The following MBNL2 variants were observed in gnomAD, a reference collection of about 807,000 sequenced individuals.
MBNL2 encodes the protein muscleblind like splicing regulator 2, also known as muscleblind-like protein 2.
A neutral mutation model predicts 41.9 loss-of-function variants in MBNL2; 17 were observed. The ratio of observed to expected loss-of-function variants is 0.41; its 90% CI spans 0.28 to 0.61. The LOEUF (loss-of-function observed/expected upper bound fraction) is 0.61, where lower values mean the gene tolerates loss of function less well. Ranked by LOEUF, MBNL2 falls within the 20% of genes least tolerant of loss-of-function variation. The probability of loss-of-function intolerance (pLI) is 0.35; values close to 1 mark genes in which losing one functional copy is unlikely to be tolerated. For missense variants in MBNL2, 336 were observed against 505.6 expected (o/e 0.66, Z 3.22); for synonymous variants, 195 against 182.9 (o/e 1.07, Z -0.53).
At chr13:97,229,956 C>T (rs1313456879) in intron 1 of MBNL2, among the ~76,000 whole-genome samples, 4 of 152,186 alleles carry the variant, frequency 2.6e-5, no homozygotes, top group African/African-American at 9.6e-5. Flanking sequence ...AGGGCAAATC[C>T]AAAAGGCATC....
intron 1 of MBNL2, among the ~76,000 whole-genome samples, chr13:97,249,328 T>A (rs2046085568): frequency 6.6e-6 from 1 of 152,236 alleles, no homozygotes; most frequent in East Asian, 1.9e-4. Flanking sequence ...GTTTTGAAGA[T>A]GGAAATGACA....
intron 1 of MBNL2, among the ~76,000 whole-genome samples, chr13:97,224,916 C>T (rs2041371999): frequency 6.6e-6 from 1 of 152,242 alleles, no homozygotes; most frequent in Non-Finnish European, 1.5e-5. Flanking sequence ...GCAAAGCACA[C>T]TATTCTGGCC....
chr13:97,224,855 G>A (rs1268512700), intron 1 of MBNL2, among the ~76,000 whole-genome samples: 2 of 152,064 alleles, frequency 1.3e-5, no homozygotes, highest in African/African-American at 2.4e-5. Flanking sequence ...AAATCAAAGC[G>A]TTGTTGTTTG....
intron 2 of MBNL2, among the ~76,000 whole-genome samples, chr13:97,297,751 C>A (rs2057209439): frequency 6.6e-6 from 1 of 152,186 alleles, no homozygotes. Flanking sequence ...GTCTGGATAT[C>A]CATTCTTTTT....
the MBNL2 span, among the ~76,000 whole-genome samples, chr13:97,192,574 G>A: frequency 3.3e-5 from 5 of 152,346 alleles, no homozygotes; most frequent in South Asian, 2.1e-4. Context: ...GAACAGCCTC[G>A]TGGGTGCCCA....
the MBNL2 span, among the ~76,000 whole-genome samples, chr13:97,195,738 A>G: frequency 0.11 from 16,562 of 152,184 alleles, 1,619 homozygotes; most frequent in African/African-American, 0.26. Flanking sequence ...TTTTAGGTGC[A>G]TTTTCACTAA....
chr13:97,287,148 C>T (rs1440324100), intron 2 of MBNL2, among the ~76,000 whole-genome samples: 5 of 152,236 alleles, frequency 3.3e-5, no homozygotes, highest in South Asian at 2.1e-4. Flanking sequence ...GTTTACAACT[C>T]GAAAGGTGTG....
chr13:97,248,323 G>A (rs1402492693), intron 1 of MBNL2, among the ~76,000 whole-genome samples: 1 of 152,200 alleles, frequency 6.6e-6, no homozygotes, highest in Non-Finnish European at 1.5e-5. Context: ...TTTTAGTAGA[G>A]ATGGGGTTTC....
At chr13:97,282,738 C>T (rs748723652) in intron 2 of MBNL2, among the ~76,000 whole-genome samples, 70 of 152,188 alleles carry the variant, frequency 4.6e-4, no homozygotes, top group Non-Finnish European at 8.8e-4. Flanking sequence ...GTATATCAAC[C>T]ACTTCCCCTG....
chr13:97,161,377 G>A, the MBNL2 span, among the ~76,000 whole-genome samples: 2,843 of 152,232 alleles, frequency 0.019, 82 homozygotes, highest in African/African-American at 0.065. Context: ...ACCATTGAGG[G>A]TAAGGATAGT....
At chr13:97,339,170 TATGA>T (rs1343338506) in intron 3 of MBNL2, among the ~76,000 whole-genome samples, 1 of 135,148 alleles carries the variant, frequency 7.4e-6, no homozygotes, top group East Asian at 2.8e-4. Context: ...TGTGAATGTG[TATGA>T]GTATGTATTG....
chr13:97,173,280 T>G, the MBNL2 span, among the ~76,000 whole-genome samples: 1 of 152,184 alleles, frequency 6.6e-6, no homozygotes, highest in Non-Finnish European at 1.5e-5. Context: ...AAATGTGGAA[T>G]GAGGAAAGGG....
chr13:97,167,802 T>C, the MBNL2 span, among the ~76,000 whole-genome samples: 8 of 152,232 alleles, frequency 5.3e-5, no homozygotes, highest in African/African-American at 1.9e-4. Context: ...GTCAGGGGAA[T>C]GAGTACATTT....
chr13:97,259,478 T>A (rs1376718171), intron 1 of MBNL2, among the ~76,000 whole-genome samples: 1 of 152,182 alleles, frequency 6.6e-6, no homozygotes, highest in Non-Finnish European at 1.5e-5. Context: ...TCCCCTTTTG[T>A]GCTCCCTCCT....
the MBNL2 span, among the ~76,000 whole-genome samples, chr13:97,156,809 T>C: frequency 6.6e-5 from 10 of 152,316 alleles, no homozygotes; most frequent in South Asian, 1.9e-3. Context: ...CCTTGTAGTA[T>C]AGTTTGAAAT....
the MBNL2 span, among the ~76,000 whole-genome samples, chr13:97,180,836 G>T: frequency 6.6e-6 from 1 of 151,692 alleles, no homozygotes; most frequent in South Asian, 2.1e-4. Flanking sequence ...ATCTGTTGGT[G>T]GCCTTAAACA....
chr13:97,167,381 G>A, the MBNL2 span, among the ~76,000 whole-genome samples: 1 of 104,954 alleles, frequency 9.5e-6, no homozygotes, highest in Non-Finnish European at 1.9e-5. Flanking sequence ...ATTCATTAAT[G>A]CTTTATGTAA....
At chr13:97,155,037 T>C in the MBNL2 span, among the ~76,000 whole-genome samples, 3 of 152,162 alleles carry the variant, frequency 2.0e-5, no homozygotes, top group Non-Finnish European at 4.4e-5. Context: ...TCCCTTCAAC[T>C]GTGGTATGTT....
chr13:97,332,373 C>A (rs534403977), intron 2 of MBNL2, among the ~76,000 whole-genome samples: 1 of 152,310 alleles, frequency 6.6e-6, no homozygotes, highest in East Asian at 1.9e-4. Flanking sequence ...GATATAAAGG[C>A]AGCCAATTCA....
Sources: allele counts gnomAD v4.1 joint callset (sites outside exome capture counted in the v4.1 genomes callset), GRCh38; gene constraint gnomAD v4.1.1; transcripts MANE v1.5; gene names NCBI Gene and HGNC (gene_info 2026-07-23, HGNC 2026-07-21).